DACH2: variants seen among roughly 807,000 people sequenced by gnomAD.
DACH2 encodes dachshund homolog 2.
DACH2 carries 17 observed loss-of-function variants against 35.8 expected under a neutral mutation model. That is an observed-to-expected ratio of 0.48 (90% CI 0.33 to 0.71). The LOEUF is 0.71. DACH2 is among the 30% of genes least tolerant of loss of function. DACH2 has a pLI of 0.02. For missense variants in DACH2, 469 were observed against 472.7 expected (o/e 0.99, Z 0.07); for synonymous variants, 195 against 177.3 (o/e 1.10, Z -0.79).
At chrX:86,783,168 C>A (rs750746684) in intron 7 of DACH2, among the ~76,000 whole-genome samples, 3 of 111,913 alleles carry the variant, frequency 2.7e-5, no homozygotes, top group Non-Finnish European at 5.6e-5. Context: ...TGAAAAAGTT[C>A]TCAACATCAT....
At chrX:86,807,144 G>C (rs2042352472) in intron 7 of DACH2, among the ~76,000 whole-genome samples, 1 of 111,493 alleles carries the variant, frequency 9.0e-6, no homozygotes, top group Admixed American at 9.6e-5. Context: ...AGGTGAAGCT[G>C]GGCTCATCCA....
intron 5 of DACH2, among the ~76,000 whole-genome samples, chrX:86,704,319 C>A (rs774022830): frequency 6.3e-5 from 7 of 111,241 alleles, no homozygotes; most frequent in Non-Finnish European, 1.3e-4. Flanking sequence ...AGACTTAAAT[C>A]TAAGACCTCG....
chrX:86,685,381 C>T (rs2040930734), intron 4 of DACH2, among the ~76,000 whole-genome samples: 1 of 111,875 alleles, frequency 8.9e-6, no homozygotes, highest in Admixed American at 9.6e-5. Flanking sequence ...ATTAGTGACA[C>T]ATAATGTTGT....
At position 86,356,917 on chromosome X, in the gene DACH2, T is replaced by C. The variant is rs557189389; in HGVS notation, c.489-19907T>C. 1.4e-4 allele frequency among the ~76,000 whole-genome samples: 16 copies of C among 111,481 alleles called. No homozygotes were observed. In the South Asian group the frequency reaches 6.1e-3, roughly 42 times the overall value. ...TAGTGCACGTATCACTGGAGTAGCATACACTGTACCTAGTATGTAGGTTTT... is the reference window on the plus strand; with the variant it reads ...TAGTGCACGTATCACTGGAGTAGCACACACTGTACCTAGTATGTAGGTTTT... On this transcript the variant is annotated intron_variant, in intron 1 of 11. Coordinates refer to ENST00000373125, the MANE Select transcript of DACH2 (RefSeq NM_053281.3).
rs746184048 is a variant in DACH2, at chrX:86,157,198, A to AT, written c.488+8095dup. Among the ~76,000 whole-genome samples the AT allele has an allele frequency of 2.7e-5, 3 of 111,513 alleles. No homozygotes were observed. In the East Asian group the frequency reaches 8.4e-4, roughly 31 times the overall value. Reference sequence around the variant, plus strand: ...CACAGTATTTTTATTGCTATATAATATTTTTATTTTTAAACAAATTGACTG... The same window carrying AT: ...CACAGTATTTTTATTGCTATATAATATTTTTTATTTTTAAACAAATTGACTG... On this transcript the variant is annotated intron_variant, in intron 1 of 11. Coordinates refer to ENST00000373125, the MANE Select transcript of DACH2 (RefSeq NM_053281.3).
chrX:86,355,593 A>T (rs1312464570), intron 1 of DACH2, among the ~76,000 whole-genome samples: 1 of 111,341 alleles, frequency 9.0e-6, no homozygotes, highest in Non-Finnish European at 1.9e-5. Flanking sequence ...GCAGTGGCGC[A>T]ATTTCAGCTC....
intron 3 of DACH2, among the ~76,000 whole-genome samples, chrX:86,525,103 A>G (rs977277439): frequency 9.0e-6 from 1 of 111,713 alleles, no homozygotes; most frequent in East Asian, 2.8e-4. Flanking sequence ...CAGAGACAAT[A>G]AAGATTTGAG....
intron 1 of DACH2, among the ~76,000 whole-genome samples, chrX:86,327,180 C>T (rs2035130930): frequency 8.9e-6 from 1 of 112,167 alleles, no homozygotes; most frequent in Non-Finnish European, 1.9e-5. Flanking sequence ...CTTTATACTT[C>T]CTCTTCATTC....
chrX:86,251,986 C>T (rs944339540), intron 1 of DACH2, among the ~76,000 whole-genome samples: 1 of 111,292 alleles, frequency 9.0e-6, no homozygotes, highest in Non-Finnish European at 1.9e-5. Context: ...CTTTTCACTG[C>T]GTCCATGCCA....
At chrX:86,361,815 A>C (rs893045419) in intron 1 of DACH2, among the ~76,000 whole-genome samples, 15 of 111,424 alleles carry the variant, frequency 1.3e-4, no homozygotes, top group African/African-American at 4.5e-4. Context: ...AGTAGAATAA[A>C]ATATATCTAT....
rs2040564898 is a variant in DACH2 at position 86,658,202 on chromosome X, C to T, written c.772+7035C>T. 4.5e-5 allele frequency among the ~76,000 whole-genome samples: 5 copies of T among 111,631 alleles called. No individual in the cohort carries two copies. In the South Asian group the frequency reaches 1.8e-3, roughly 41 times the overall value. On this transcript the variant is annotated intron_variant, in intron 4 of 11. Transcript: ENST00000373125. ...AAGGAAATTTCCAAATTTATTGACACATCCTGAAATAAGCGGGACACTGAC... is the reference window on the plus strand; with the variant it reads ...AAGGAAATTTCCAAATTTATTGACATATCCTGAAATAAGCGGGACACTGAC...
chrX:86,580,490 AC>A (rs953148166), intron 3 of DACH2, among the ~76,000 whole-genome samples: 2 of 112,072 alleles, frequency 1.8e-5, no homozygotes, highest in African/African-American at 6.5e-5. Flanking sequence ...CTAAATAATA[AC>A]AAAAAATAAC....
chrX:86,664,520 A>G (rs2040644366), intron 4 of DACH2, among the ~76,000 whole-genome samples: 1 of 111,794 alleles, frequency 8.9e-6, no homozygotes, highest in African/African-American at 3.3e-5. Flanking sequence ...CCTTCATAAT[A>G]CGTTTAAAAA....
intron 7 of DACH2, among the ~76,000 whole-genome samples, chrX:86,756,009 A>G (rs1056479772): frequency 6.3e-5 from 7 of 110,979 alleles, no homozygotes; most frequent in Non-Finnish European, 1.3e-4. Context: ...ACCCCAATGT[A>G]TATTCTTGGT....
At chrX:86,426,082 T>G (rs2036889095) in intron 2 of DACH2, among the ~76,000 whole-genome samples, 1 of 111,749 alleles carries the variant, frequency 8.9e-6, no homozygotes, top group Admixed American at 9.5e-5. Flanking sequence ...TTTTAAATGA[T>G]AAATATTGTA....
At chrX:86,591,320 T>A (rs2039642667) in intron 3 of DACH2, among the ~76,000 whole-genome samples, 1 of 111,630 alleles carries the variant, frequency 9.0e-6, no homozygotes, top group African/African-American at 3.3e-5. Flanking sequence ...CGATTTATAA[T>A]CCTTTGGGTA....
At chrX:86,467,310 C>T (rs1283457189) in intron 2 of DACH2, among the ~76,000 whole-genome samples, 1 of 111,424 alleles carries the variant, frequency 9.0e-6, no homozygotes, top group East Asian at 2.8e-4. Context: ...CAACATGCTG[C>T]CAGTCTCTTT....
At chrX:86,542,578 C>T (rs752224846) in intron 3 of DACH2, among the ~76,000 whole-genome samples, 8 of 111,260 alleles carry the variant, frequency 7.2e-5, no homozygotes, top group Non-Finnish European at 1.1e-4. Flanking sequence ...CATCCTGGCC[C>T]GCAGAACCAT....
intron 1 of DACH2, among the ~76,000 whole-genome samples, chrX:86,212,827 A>T (rs1187999892): frequency 1.8e-5 from 2 of 111,340 alleles, no homozygotes; most frequent in African/African-American, 6.5e-5. Flanking sequence ...AAACTCACGA[A>T]CGTTAGTTAA....
Sources: gnomAD v4.1 joint callset for allele counts (sites outside exome capture counted in the v4.1 genomes callset) on GRCh38, gnomAD v4.1.1 for gene constraint, MANE v1.5 for transcripts, NCBI Gene and HGNC (gene_info 2026-07-23, HGNC 2026-07-21) for gene names.